The following ERG variants were observed in gnomAD, a reference collection of about 807,000 sequenced individuals.
ERG encodes the protein transcriptional regulator ERG.
Under a neutral mutation model 55.3 loss-of-function variants are expected in ERG, and 9 were observed. The ratio of observed to expected loss-of-function variants is 0.16; its 90% CI spans 0.10 to 0.28. ERG has a LOEUF of 0.28. Ranked by LOEUF, ERG falls within the 10% of genes least tolerant of loss-of-function variation. The pLI is 1.00. For synonymous variants in ERG, 223 were observed against 237.3 expected (o/e 0.94, Z 0.55); for missense variants, 434 against 631.6 (o/e 0.69, Z 3.35).
intron 2 of ERG, among the ~76,000 whole-genome samples, chr21:38,424,036 C>T (rs548952277): frequency 4.6e-5 from 7 of 152,132 alleles, no homozygotes; most frequent in Middle Eastern, 6.8e-3. Flanking sequence ...TCTGTCCTCC[C>T]GAAATGCATA....
At chr21:38,540,985 T>C (rs536004985) in intron 2 of ERG, among the ~76,000 whole-genome samples, 14 of 151,024 alleles carry the variant, frequency 9.3e-5, no homozygotes, top group African/African-American at 3.2e-4. Flanking sequence ...CTTTGAGCGC[T>C]TGGGTGGCTG....
At chr21:38,388,070 A>G (rs1197793314) in intron 9 of ERG, among the ~76,000 whole-genome samples, 1 of 152,160 alleles carries the variant, frequency 6.6e-6, no homozygotes, top group Non-Finnish European at 1.5e-5. Flanking sequence ...GCACACTGCC[A>G]CCTCCTAACA....
rs1046868626 is a variant in ERG, at chr21:38,532,606, G to T, written c.-41+43056C>A. On this transcript the variant is annotated intron_variant, in intron 2 of 8. Transcript: ENST00000398897. ...TGGAATGAGAACAGCCAAAAGCTAA[G>T]ATTTCTGATTATAATCACAGGTCTG... Among the ~76,000 whole-genome samples the T allele has an allele frequency of 3.3e-5, 5 of 152,200 alleles. 1 individual carries two copies. The South Asian group carries it at 1.0e-3, about 32-fold the overall frequency.
At chr21:38,453,776 C>G (rs2058962548) in intron 1 of ERG, among the ~76,000 whole-genome samples, 1 of 151,018 alleles carries the variant, frequency 6.6e-6, no homozygotes, top group Admixed American at 6.6e-5. Context: ...CTCAGCTACT[C>G]AGGAGGCTGA....
In ERG at chr21:38,383,451, A is replaced by G. The variant is rs764684442; in HGVS notation, c.1392T>C (p.Thr464=). 1 of 1,516,560 alleles carries G rather than the reference A, an allele frequency of 6.6e-7. No homozygotes were observed. The highest frequency in any genetic ancestry group is 2.3e-5 in the East Asian group (1 of 43,922). The allele number at this position is 1,516,560 out of a possible 1,614,324, so 93.9% of individuals were successfully genotyped here. ...NSPTGGIYPN[T]RLPTSHMPSH... ...AAGGCATATGGCTGGTGGGGAGCCT[A>G]GTGTTGGGGTATATACCCCCAGTTG... Residue 464 remains threonine, a synonymous_variant, in exon 10 of 10, where the codon ACT becomes ACC. Transcript: ENST00000288319. This position sits in a 1 kb window ranked among gnomAD's most constrained non-coding sequence, Gnocchi z 5.7.
chr21:38,660,588 CCGCGTGTGCCAG>C (rs1317579869), intron 1 of ERG: 1 of 151,772 alleles, frequency 6.6e-6, no homozygotes, highest in African/African-American at 2.4e-5. Flanking sequence ...GTGTCCGCGC[CCGCGTGTGCCAG>C]CGCGCGTGCC....
At chr21:38,608,339 C>T (rs1209126451) in intron 1 of ERG, among the ~76,000 whole-genome samples, 1 of 152,084 alleles carries the variant, frequency 6.6e-6, no homozygotes, top group Non-Finnish European at 1.5e-5. Context: ...ACAAGTTAGA[C>T]TTTAGGATAA....
At chr21:38,386,728 T>C (rs1300941845) in intron 9 of ERG, among the ~76,000 whole-genome samples, 1 of 152,152 alleles carries the variant, frequency 6.6e-6, no homozygotes, top group Non-Finnish European at 1.5e-5. Context: ...AGAGCTTTCA[T>C]TGAGTAGCAT....
intron 2 of ERG, among the ~76,000 whole-genome samples, chr21:38,504,041 G>A (rs760903701): frequency 2.6e-5 from 4 of 152,042 alleles, no homozygotes; most frequent in Admixed American, 6.5e-5. Flanking sequence ...TGTGTGTGTG[G>A]GGGGGTAGGG....
chr21:38,392,891 T>G (rs1004737423), intron 6 of ERG, among the ~76,000 whole-genome samples: 1 of 152,214 alleles, frequency 6.6e-6, no homozygotes, highest in Non-Finnish European at 1.5e-5. Context: ...ACATTCAGCT[T>G]CTTTTTCTTC....
intron 1 of ERG, among the ~76,000 whole-genome samples, chr21:38,464,725 C>A (rs947566335): frequency 6.6e-6 from 1 of 151,740 alleles, no homozygotes; most frequent in Non-Finnish European, 1.5e-5. Context: ...ACCCTCCTAC[C>A]CCCCGAGAGG....
In ERG at chr21:38,383,460, G is replaced by A. The variant is rs1212453365; in HGVS notation, c.1383C>T (p.Tyr461=). The change falls in exon 10 of 10, where the codon TAC becomes TAT. Residue 461 remains tyrosine, a synonymous_variant. Coordinates refer to ENST00000288319, the MANE Select transcript of ERG (RefSeq NM_182918.4). The surrounding 1 kb of genome is among the most constrained non-coding windows in gnomAD (Gnocchi z 5.7). ...GGCTGGTGGGGAGCCTAGTGTTGGG[G>A]TATATACCCCCAGTTGGTGAATTCC... ...PYWNSPTGGI[Y]PNTRLPTSHM... 6.5e-7 allele frequency: 1 copy of A among 1,531,400 alleles called. No homozygotes were observed. The highest frequency in any genetic ancestry group is 1.3e-5 in the South Asian group (1 of 78,308). 94.9% of individuals were successfully genotyped at this position (1,531,400 alleles called of 1,614,324 possible).
chr21:38,660,687 T>A (rs8132069), intron 1 of ERG: 3 of 151,540 alleles, frequency 2.0e-5, no homozygotes, highest in Non-Finnish European at 4.4e-5. Flanking sequence ...GGGCGCCGGG[T>A]TCAGGGAGGC....
chr21:38,380,674 T>G lies in ERG; in HGVS notation c.*2729A>C. 9.4e-7 allele frequency: 1 copy of G among 1,065,080 alleles called. No homozygotes were observed. The highest frequency in any genetic ancestry group is 1.1e-6 in the Non-Finnish European group (1 of 879,154). The allele number at this position is 1,065,080 out of a possible 1,614,324, so 66.0% of individuals were successfully genotyped here. ...CCATTTTGAAACAATTTAAGAATTATGTATTTGAAGGAACTCAGTATTATC... is the reference window on the plus strand; with the variant it reads ...CCATTTTGAAACAATTTAAGAATTAGGTATTTGAAGGAACTCAGTATTATC... On this transcript the variant is annotated 3_prime_UTR_variant, in exon 10 of 10. Coordinates refer to ENST00000288319, the MANE Select transcript of ERG (RefSeq NM_182918.4).
upstream of ERG, among the ~76,000 whole-genome samples, chr21:38,586,456 C>T (rs1191745954): frequency 6.6e-6 from 1 of 152,076 alleles, no homozygotes; most frequent in East Asian, 1.9e-4. Flanking sequence ...CTTTGACCAA[C>T]ATCTCCCCAG....
chr21:38,616,770 T>C (rs1350367205), intron 1 of ERG, among the ~76,000 whole-genome samples: 2 of 152,134 alleles, frequency 1.3e-5, no homozygotes, highest in Non-Finnish European at 2.9e-5. Context: ...CTGGAGGAAA[T>C]GCCCTCCAAG....
intron 1 of ERG, among the ~76,000 whole-genome samples, chr21:38,485,397 T>C (rs1420413073): frequency 1.3e-5 from 2 of 151,906 alleles, no homozygotes; most frequent in African/African-American, 4.8e-5. Context: ...AAAAAAGTTA[T>C]AGTAATCTAA....
chr21:38,610,394 A>G (rs1264422624), intron 1 of ERG, among the ~76,000 whole-genome samples: 1 of 152,238 alleles, frequency 6.6e-6, no homozygotes, highest in African/African-American at 2.4e-5. Context: ...AACATTCACC[A>G]TCCAAGAAAG....
intron 1 of ERG, among the ~76,000 whole-genome samples, chr21:38,476,953 C>T (rs1299514007): frequency 6.6e-6 from 1 of 151,478 alleles, no homozygotes; most frequent in African/African-American, 2.4e-5. Flanking sequence ...ACCCATGTGT[C>T]CTATAGGAAC....
Sources: allele counts gnomAD v4.1 joint callset (sites outside exome capture counted in the v4.1 genomes callset), GRCh38; gene constraint gnomAD v4.1.1; non-coding constraint Gnocchi (gnomAD v3.1); transcripts MANE v1.5; gene names NCBI Gene and HGNC (gene_info 2026-07-23, HGNC 2026-07-21).